COL23A1: variants seen among roughly 807,000 people sequenced by gnomAD.
The protein encoded by COL23A1 is collagen type XXIII alpha 1 chain.
COL23A1 carries 97 observed loss-of-function variants against 99.3 expected under a neutral mutation model. The ratio of observed to expected loss-of-function variants is 0.98; its 90% CI spans 0.83 to 1.16. The LOEUF (loss-of-function observed/expected upper bound fraction) is 1.16, where lower values mean the gene tolerates loss of function less well. COL23A1 is among the 50% of genes most tolerant of loss of function. The pLI is 0.00. For synonymous variants in COL23A1, 320 were observed against 308.2 expected, an observed-to-expected ratio of 1.04 and a Z score of -0.40; for missense variants, 762 against 757.4, an observed-to-expected ratio of 1.01 and a Z score of -0.07.
rs1766762164 is a variant in COL23A1, at chr5:178,439,841, A to G, written c.361+120841T>C. ...AAATGGAGAAACTACAGTGTAGCCA[A>G]TCAATGGAATACCACTACATGCTAC... On this transcript the variant is annotated intron_variant, in intron 2 of 28. Transcript: ENST00000390654. This position sits in a 1 kb window ranked among gnomAD's most constrained non-coding sequence, Gnocchi z 4.2. 6.6e-6 allele frequency: 1 copy of G among 152,252 alleles called. No individual in the cohort carries two copies. The highest frequency in any genetic ancestry group is 1.9e-4 in the East Asian group (1 of 5,200). The allele number at this position is 152,252 out of a possible 1,614,324, so 9.4% of individuals were successfully genotyped here.
Position 178,263,262 on chromosome 5 carries a change from C to T in COL23A1, c.585G>A (p.Arg195=). The T allele has an allele frequency of 6.2e-7, 1 of 1,613,360 alleles. No homozygotes were observed. The highest frequency in any genetic ancestry group is 8.5e-7 in the Non-Finnish European group (1 of 1,179,790). ...CTTTCCCAGTGTCGCCAGGAGGGCC[C>T]CGGGCCCCAGGAGGTCCAGGGGGCC... is the stretch of plus-strand genomic sequence containing the variant. The part of the protein sequence containing the change: ...PPGPPGPPGA[R]GPPGDTGKDG... The change falls in exon 9 of 29, where the codon CGG becomes CGA. Residue 195 remains arginine (R), a synonymous_variant. Coordinates refer to ENST00000390654, the MANE Select transcript of COL23A1 (RefSeq NM_173465.4).
chr5:178,525,074 C>T (rs1479277428), intron 2 of COL23A1, among the ~76,000 whole-genome samples: 1 of 146,350 alleles, frequency 6.8e-6, no homozygotes, highest in Admixed American at 6.9e-5. Flanking sequence ...GACCCCAGGA[C>T]CCGAAGGCTA....
At chr5:178,551,399 A>C (rs149737967) in intron 2 of COL23A1, among the ~76,000 whole-genome samples, 1 of 151,996 alleles carries the variant, frequency 6.6e-6, no homozygotes, top group Admixed American at 6.6e-5. Flanking sequence ...GAAGACTTCT[A>C]ATTATTTTTT....
chr5:178,413,750 G>A (rs1435550237), intron 2 of COL23A1, among the ~76,000 whole-genome samples: 1 of 152,204 alleles, frequency 6.6e-6, no homozygotes, highest in African/African-American at 2.4e-5. Flanking sequence ...AATTGGACAA[G>A]GTTAGCAGAG....
chr5:178,516,396 C>T (rs908697557), intron 2 of COL23A1, among the ~76,000 whole-genome samples: 5 of 152,222 alleles, frequency 3.3e-5, no homozygotes, highest in South Asian at 2.1e-4. Context: ...TGCCCGATGA[C>T]GGCTCTCTGC....
chr5:178,369,296 G>A (rs1762672768), intron 2 of COL23A1, among the ~76,000 whole-genome samples: 1 of 152,104 alleles, frequency 6.6e-6, no homozygotes, highest in Non-Finnish European at 1.5e-5. Flanking sequence ...TCCTGTCCTT[G>A]TTCAGACTCC....
At chr5:178,353,932 G>A (rs556036154) in intron 2 of COL23A1, among the ~76,000 whole-genome samples, 60 of 125,252 alleles carry the variant, frequency 4.8e-4, no homozygotes, top group Admixed American at 9.6e-4. Context: ...TTGTGCTACC[G>A]TTGAGTTAAA....
chr5:178,326,256 A>G (rs1249252571), intron 2 of COL23A1, among the ~76,000 whole-genome samples: 1 of 152,102 alleles, frequency 6.6e-6, no homozygotes, highest in African/African-American at 2.4e-5. Context: ...CTTGTCTCCT[A>G]CGCACTTTAG....
At chr5:178,286,367 G>A (rs2127581658) in intron 5 of COL23A1, among the ~76,000 whole-genome samples, 1 of 152,190 alleles carries the variant, frequency 6.6e-6, no homozygotes, top group East Asian at 1.9e-4. Context: ...GACGCCCGCG[G>A]GGCTCCACAC....
intron 1 of COL23A1, among the ~76,000 whole-genome samples, chr5:178,581,382 A>G (rs1021750766): frequency 2.0e-5 from 3 of 152,064 alleles, no homozygotes; most frequent in African/African-American, 7.2e-5. Context: ...CCTGGCCAAC[A>G]TGGTGAAACT....
rs912667910 is a variant in COL23A1 at position 178,313,834 on chromosome 5, G to A, written c.362-6915C>T. Among the ~76,000 whole-genome samples the A allele has an allele frequency of 6.6e-6, 1 of 152,128 alleles. No homozygotes were observed. Among genetic ancestry groups the A allele is most frequent in the African/African-American group, 2.4e-5 (1 of 41,404 alleles). On this transcript the variant is annotated intron_variant, in intron 2 of 28. Transcript: ENST00000390654. The surrounding 1 kb of genome is among the most constrained non-coding windows in gnomAD (Gnocchi z 4.2). The stretch of plus-strand genomic sequence containing the variant: ...TGGGGCTTCAGGGCCATCAGGGGGT[G>A]CACCTTGAGCAGAGAAGGCAAGCGA...
At chr5:178,389,441 A>G (rs765581582) in intron 2 of COL23A1, among the ~76,000 whole-genome samples, 3 of 152,226 alleles carry the variant, frequency 2.0e-5, no homozygotes, top group Non-Finnish European at 4.4e-5. Flanking sequence ...ACTAAGCTGC[A>G]CAAAAGCTTC....
chr5:178,342,706 G>C (rs983370138), intron 2 of COL23A1, among the ~76,000 whole-genome samples: 1 of 152,108 alleles, frequency 6.6e-6, no homozygotes, highest in African/African-American at 2.4e-5. Flanking sequence ...ATGTCCATTT[G>C]TGATTGTGTT....
chr5:178,378,941 T>C (rs1222803654), intron 2 of COL23A1, among the ~76,000 whole-genome samples: 2 of 152,186 alleles, frequency 1.3e-5, no homozygotes, highest in African/African-American at 4.8e-5. Flanking sequence ...GCCAAGAGTT[T>C]ATGTTAAACT....
intron 5 of COL23A1, among the ~76,000 whole-genome samples, chr5:178,274,716 C>G (rs1389594027): frequency 6.6e-6 from 1 of 152,224 alleles, no homozygotes; most frequent in African/African-American, 2.4e-5. Flanking sequence ...TTACCACCAG[C>G]TCACAGAGCG....
Position 178,238,340 on chromosome 5 carries a change from G to A in COL23A1, c.*358C>T. On this transcript the variant is annotated 3_prime_UTR_variant, in exon 29 of 29. Coordinates refer to ENST00000390654, the MANE Select transcript of COL23A1 (RefSeq NM_173465.4). ...TCCCAGGGACTCCAGAGTTTTGCGG[G>A]GGCAGGTTCTTACAGGGCAGTACCA... 1 of 241,364 alleles carries A rather than the reference G, an allele frequency of 4.1e-6. No individual in the cohort carries two copies. Among genetic ancestry groups the A allele is most frequent in the East Asian group, 9.1e-5 (1 of 10,998 alleles). 15.0% of individuals were successfully genotyped at this position (241,364 alleles called of 1,614,324 possible).
chr5:178,256,570 G>T (rs549825335), intron 14 of COL23A1, among the ~76,000 whole-genome samples, 173 bp from the exon 15 acceptor site: 1 of 152,254 alleles, frequency 6.6e-6, no homozygotes, highest in Non-Finnish European at 1.5e-5. Context: ...CCAGGGGCCT[G>T]CGAGACCCTC....
At chr5:178,416,177 C>A (rs943096295) in intron 2 of COL23A1, among the ~76,000 whole-genome samples, 2 of 152,202 alleles carry the variant, frequency 1.3e-5, no homozygotes, top group Non-Finnish European at 2.9e-5. Flanking sequence ...AAGAGATGAG[C>A]ATCCAGGTTG....
At chr5:178,372,494 G>C (rs1025046324) in intron 2 of COL23A1, among the ~76,000 whole-genome samples, 1 of 152,310 alleles carries the variant, frequency 6.6e-6, no homozygotes, top group Middle Eastern at 3.4e-3. Context: ...GCGTCCACAG[G>C]AACGAAATCC....
Sources: gnomAD v4.1 joint callset for allele counts (sites outside exome capture counted in the v4.1 genomes callset) on GRCh38, gnomAD v4.1.1 for gene constraint, Gnocchi (gnomAD v3.1) non-coding constraint, MANE v1.5 for transcripts, NCBI Gene and HGNC (gene_info 2026-07-23, HGNC 2026-07-21) for gene names.